MAGI1: variants seen among roughly 807,000 people sequenced by gnomAD.
MAGI1 encodes membrane-associated guanylate kinase, WW and PDZ domain-containing protein 1.
MAGI1 carries 58 observed loss-of-function variants against 139.9 expected under a neutral mutation model. That is an observed-to-expected ratio of 0.41 (90% CI 0.34 to 0.52). MAGI1 has a LOEUF of 0.52. MAGI1 is among the 20% of genes least tolerant of loss of function. The pLI, the probability that MAGI1 is intolerant of heterozygous loss-of-function variation, is 0.12. For synonymous variants in MAGI1, 812 were observed against 737.9 expected, an observed-to-expected ratio of 1.10 and a Z score of -1.63; for missense variants, 1,874 against 1,901.6, an observed-to-expected ratio of 0.99 and a Z score of 0.27.
At chr3:65,994,273 C>CAAAA (rs35940908) in intron 1 of MAGI1, among the ~76,000 whole-genome samples, 69 of 109,364 alleles carry the variant, frequency 6.3e-4, no homozygotes, top group South Asian at 3.3e-3. Flanking sequence ...GACTCCATCT[C>CAAAA]AAAAAAAAAA....
chr3:65,389,963 T>C (rs1943771140), intron 14 of MAGI1, among the ~76,000 whole-genome samples: 1 of 152,208 alleles, frequency 6.6e-6, no homozygotes, highest in Non-Finnish European at 1.5e-5. Context: ...CTGCTGAGCA[T>C]CATTCAGTGG....
intron 1 of MAGI1, chr3:65,843,760 T>A (rs574068655): frequency 5.9e-6 from 1 of 168,496 alleles, no homozygotes; most frequent in Non-Finnish European, 1.3e-5. Context: ...CAAAACAGAA[T>A]GGAACTAAAA....
In MAGI1 at chr3:65,590,582, T is replaced by C. The variant is rs563017493; in HGVS notation, c.430+31390A>G. Among the ~76,000 whole-genome samples, 7 of 152,312 alleles carry C rather than the reference T, an allele frequency of 4.6e-5. No homozygotes were observed. In the South Asian group the frequency reaches 1.2e-3, roughly 27 times the overall value. On this transcript the variant is annotated intron_variant, in intron 2 of 22. Transcript: ENST00000402939. ...TCAAAATTTCCCCTTTTAAAGGAGA[T>C]GTACTTTAAAACTGCTACTTAGCTG...
At chr3:65,526,366 A>G (rs190288364) in intron 2 of MAGI1, among the ~76,000 whole-genome samples, 4 of 152,296 alleles carry the variant, frequency 2.6e-5, no homozygotes, top group African/African-American at 9.6e-5. Context: ...GAAATTTAAC[A>G]AAGTCAGAGA....
At chr3:65,587,872 C>T (rs149700252) in intron 2 of MAGI1, among the ~76,000 whole-genome samples, 243 of 152,246 alleles carry the variant, frequency 1.6e-3, no homozygotes, top group Non-Finnish European at 3.1e-3. Context: ...CGCATTACAA[C>T]ACAATGAAAC....
intron 1 of MAGI1, among the ~76,000 whole-genome samples, chr3:65,648,310 T>C (rs1050368930): frequency 4.7e-5 from 7 of 150,396 alleles, no homozygotes; most frequent in Non-Finnish European, 8.8e-5. Context: ...TGTGTGTGTG[T>C]GTGTGTGCGC....
At chr3:65,968,831 T>G (rs77165988) in intron 1 of MAGI1, among the ~76,000 whole-genome samples, 6,032 of 152,202 alleles carry the variant, frequency 0.04, 383 homozygotes, top group African/African-American at 0.14. Flanking sequence ...TAAACTTTTA[T>G]TCATAGGAAA....
intron 1 of MAGI1, among the ~76,000 whole-genome samples, chr3:65,818,616 A>G (rs2041757030): frequency 6.6e-6 from 1 of 152,180 alleles, no homozygotes; most frequent in South Asian, 2.1e-4. Flanking sequence ...TGGACAAAAC[A>G]CTGCATGAAG....
intron 1 of MAGI1, among the ~76,000 whole-genome samples, chr3:65,952,625 T>C (rs2063920585): frequency 6.6e-6 from 1 of 152,082 alleles, no homozygotes; most frequent in Admixed American, 6.6e-5. Context: ...TCATCCTGGC[T>C]AAAACAGTAA....
chr3:65,553,308 G>A (rs542274455), intron 2 of MAGI1, among the ~76,000 whole-genome samples: 9 of 152,106 alleles, frequency 5.9e-5, no homozygotes, highest in African/African-American at 2.2e-4. Flanking sequence ...TATATTCTCT[G>A]TGGTAGGTAT....
At chr3:65,440,908 A>G (rs1264151691) in intron 8 of MAGI1, among the ~76,000 whole-genome samples, 4 of 150,142 alleles carry the variant, frequency 2.7e-5, no homozygotes, top group Admixed American at 6.6e-5. Flanking sequence ...ATGTGTGTAT[A>G]TATATATACA....
At chr3:65,663,426 AT>A (rs1220082003) in intron 1 of MAGI1, among the ~76,000 whole-genome samples, 2 of 152,088 alleles carry the variant, frequency 1.3e-5, no homozygotes, top group Non-Finnish European at 2.9e-5. Flanking sequence ...TGCTTATATT[AT>A]TTTTTCCTTA....
chr3:65,483,996 T>C (rs1254326241), intron 3 of MAGI1, among the ~76,000 whole-genome samples: 1 of 152,192 alleles, frequency 6.6e-6, no homozygotes, highest in Non-Finnish European at 1.5e-5. Flanking sequence ...AATTTACTAT[T>C]CATTCATTCA....
intron 4 of MAGI1, among the ~76,000 whole-genome samples, chr3:65,475,725 T>G (rs1218748989): frequency 1.3e-5 from 2 of 152,010 alleles, no homozygotes; most frequent in East Asian, 3.9e-4. Context: ...ATGGTGAGCA[T>G]CTGGGATGAC....
chr3:65,463,785 T>C (rs1284529852), intron 5 of MAGI1, among the ~76,000 whole-genome samples: 2 of 152,166 alleles, frequency 1.3e-5, no homozygotes, highest in Non-Finnish European at 2.9e-5. Context: ...AGGTTATTAA[T>C]TACTGCCTCA....
At chr3:65,946,381 G>T (rs1353865503) in intron 1 of MAGI1, among the ~76,000 whole-genome samples, 1 of 152,144 alleles carries the variant, frequency 6.6e-6, no homozygotes, top group South Asian at 2.1e-4. Flanking sequence ...TGCCTTTTCT[G>T]CATTTCATCA....
intron 2 of MAGI1, among the ~76,000 whole-genome samples, chr3:65,595,417 G>A (rs933022684): frequency 6.6e-6 from 1 of 152,172 alleles, no homozygotes; most frequent in Non-Finnish European, 1.5e-5. Flanking sequence ...CAAGCTTTTA[G>A]AGAATCTAGA....
At chr3:65,871,515 C>A (rs938814739) in intron 1 of MAGI1, among the ~76,000 whole-genome samples, 3 of 152,120 alleles carry the variant, frequency 2.0e-5, no homozygotes, top group Non-Finnish European at 4.4e-5. Flanking sequence ...CTGTGGAATT[C>A]TGGGTGCTTC....
chr3:65,427,796 G>T (rs1173521086), intron 12 of MAGI1, among the ~76,000 whole-genome samples: 1 of 152,104 alleles, frequency 6.6e-6, no homozygotes, highest in Non-Finnish European at 1.5e-5. Context: ...AAAGTGCTTT[G>T]TGTATCACTG....
Sources: allele counts gnomAD v4.1 joint callset (sites outside exome capture counted in the v4.1 genomes callset), GRCh38; gene constraint gnomAD v4.1.1; transcripts MANE v1.5; gene names NCBI Gene and HGNC (gene_info 2026-07-23, HGNC 2026-07-21).